The following ACOT13 variants were observed in gnomAD, a reference collection of about 807,000 sequenced individuals.
ACOT13 encodes the protein acyl-coenzyme A thioesterase 13.
ACOT13 carries 10 observed loss-of-function variants against 11.8 expected under a neutral mutation model. That is an observed-to-expected ratio of 0.85 (90% CI 0.53 to 1.44). ACOT13 has a LOEUF of 1.44. Ranked by LOEUF, ACOT13 falls within the 40% of genes most tolerant of loss-of-function variation. The pLI, the probability that ACOT13 is intolerant of heterozygous loss-of-function variation, is 0.00. For synonymous variants in ACOT13, 53 were observed against 61.0 expected, an observed-to-expected ratio of 0.87 and a Z score of 0.61; for missense variants, 172 against 174.1, an observed-to-expected ratio of 0.99 and a Z score of 0.07.
chr6:24,681,580 C>G (rs1207537306), intron 1 of ACOT13, among the ~76,000 whole-genome samples: 2 of 9,778 alleles, frequency 2.0e-4, no homozygotes, highest in East Asian at 0.021. Flanking sequence ...CTCTCTCCGT[C>G]TCTCTCTCTC....
intron 1 of ACOT13, among the ~76,000 whole-genome samples, chr6:24,680,016 A>G (rs1250055115): frequency 6.6e-6 from 1 of 152,112 alleles, no homozygotes; most frequent in African/African-American, 2.4e-5. Context: ...CCCTTTGTCT[A>G]TCTTCTTTGG....
At chr6:24,700,451 T>G (rs960438619) in intron 2 of ACOT13, among the ~76,000 whole-genome samples, 20 of 134,946 alleles carry the variant, frequency 1.5e-4, no homozygotes, top group African/African-American at 4.3e-4. Flanking sequence ...TTTTTTTTTT[T>G]GTGAGATGGA....
At chr6:24,671,048 CTG>C (rs1254349374) in intron 1 of ACOT13, among the ~76,000 whole-genome samples, 4 of 152,124 alleles carry the variant, frequency 2.6e-5, no homozygotes, top group East Asian at 1.9e-4. Flanking sequence ...GTGGAAGACA[CTG>C]TGGTGATTCC....
Position 24,701,766 on chromosome 6 carries a change from A to C in ACOT13, c.*151A>C. The C allele has an allele frequency of 1.4e-6, 1 of 719,788 alleles. No homozygotes were observed. Among genetic ancestry groups the C allele is most frequent in the Non-Finnish European group, 2.1e-6 (1 of 473,232 alleles). 44.6% of individuals were successfully genotyped at this position (719,788 alleles called of 1,614,324 possible). On this transcript the variant is annotated 3_prime_UTR_variant, in exon 3 of 3. Coordinates refer to ENST00000230048, the MANE Select transcript of ACOT13 (RefSeq NM_018473.4). ...AGGACCTGGATATCAAGTAGGGTAA[A>C]GGTGGGGGTGTCTTTTTTCACTTTA...
intron 1 of ACOT13, 120 bp from the exon 2 acceptor site, chr6:24,697,758 ATTTAC>A: frequency 1.4e-6 from 1 of 696,322 alleles, no homozygotes; most frequent in Non-Finnish European, 2.2e-6. Context: ...GAGATTGGCA[ATTTAC>A]TTGAATTTCT....
At chr6:24,683,091 C>T (rs190078501) in intron 1 of ACOT13, among the ~76,000 whole-genome samples, 56 of 152,310 alleles carry the variant, frequency 3.7e-4, no homozygotes, top group African/African-American at 1.3e-3. Context: ...CCAGCTAGTC[C>T]TGTCTGTCAG....
chr6:24,695,597 A>C (rs1050130352), intron 1 of ACOT13, among the ~76,000 whole-genome samples: 1 of 152,240 alleles, frequency 6.6e-6, no homozygotes, highest in Non-Finnish European at 1.5e-5. Flanking sequence ...CTTCCTTTAG[A>C]CACTGAACCC....
intron 1 of ACOT13, among the ~76,000 whole-genome samples, chr6:24,682,112 A>G (rs1318986368): frequency 2.0e-5 from 3 of 152,204 alleles, no homozygotes; most frequent in African/African-American, 7.2e-5. Context: ...GTTGTTAGAA[A>G]GCCCTTCCGC....
intron 1 of ACOT13, among the ~76,000 whole-genome samples, chr6:24,680,485 A>G (rs13211430): frequency 0.39 from 59,360 of 151,422 alleles, 12,636 homozygotes; most frequent in Non-Finnish European, 0.5. Context: ...ATTAGTCCTA[A>G]AGCATCCTCT....
rs1482027667 is a variant in ACOT13 at position 24,697,965 on chromosome 6, T to C, written c.164T>C (p.Leu55Pro). The change falls in exon 2 of 3, where the codon CTC becomes CCC. Residue 55 changes from leucine (L) to proline (P), a missense_variant. Transcript: ENST00000230048. ...EEEHTNAIGTLHGGLTATLVD... is the reference protein window; with the variant it reads ...EEEHTNAIGTPHGGLTATLVD... ...GAGCATACCAATGCAATAGGCACTC[T>C]CCACGGCGGTTTGACAGCCACGTTA... 5.0e-6 allele frequency: 8 copies of C among 1,614,014 alleles called. No homozygotes were observed.
At chr6:24,699,641 A>G (rs1030934203) in intron 2 of ACOT13, among the ~76,000 whole-genome samples, 3 of 152,220 alleles carry the variant, frequency 2.0e-5, no homozygotes, top group African/African-American at 7.2e-5. Context: ...GCTCTTTTTG[A>G]AATTAAGATG....
At chr6:24,697,750 G>C in intron 1 of ACOT13, 133 bp from the exon 2 acceptor site, 1 of 655,012 alleles carries the variant, frequency 1.5e-6, no homozygotes, top group Non-Finnish European at 2.4e-6. Context: ...TTCTATCAGA[G>C]ATTGGCAATT....
rs7765904 is a variant in ACOT13, at chr6:24,697,987, G to A, written c.186G>A (p.Thr62=). ...IGTLHGGLTA[T]LVDNISTMAL... ...CTCTCCACGGCGGTTTGACAGCCACGTTAGTAGATAACATATCAACAATGG... is the reference window on the plus strand; with the variant it reads ...CTCTCCACGGCGGTTTGACAGCCACATTAGTAGATAACATATCAACAATGG... The change falls in exon 2 of 3, where the codon ACG becomes ACA. Residue 62 remains threonine, a synonymous_variant. Transcript: ENST00000230048. The A allele has an allele frequency of 0.23, 367,174 of 1,612,992 alleles. 43,950 individuals are homozygous for A. The highest frequency in any genetic ancestry group is 0.26 in the Middle Eastern group (1,561 of 6,058).
chr6:24,668,749 T>C, intron 1 of ACOT13, among the ~76,000 whole-genome samples: 1 of 152,240 alleles, frequency 6.6e-6, no homozygotes, highest in South Asian at 2.1e-4. Context: ...TGCAATCAGA[T>C]GGTGAAGTTA....
chr6:24,693,542 A>G (rs1386429154), intron 1 of ACOT13, among the ~76,000 whole-genome samples: 1 of 152,182 alleles, frequency 6.6e-6, no homozygotes, highest in Non-Finnish European at 1.5e-5. Flanking sequence ...TCTCAGCTTC[A>G]TAAAGGACCA....
At chr6:24,687,558 GA>G in intron 1 of ACOT13, 1 of 1,426,386 alleles carries the variant, frequency 7.0e-7, no homozygotes, top group Non-Finnish European at 9.2e-7. Context: ...AATGAGTGAT[GA>G]AGGTGAATAC....
intron 1 of ACOT13, among the ~76,000 whole-genome samples, chr6:24,685,728 CAA>C (rs955804801): frequency 6.6e-6 from 1 of 151,656 alleles, no homozygotes; most frequent in Non-Finnish European, 1.5e-5. Flanking sequence ...GGGACATTGG[CAA>C]AGTCTGGAGA....
chr6:24,704,747 C>G lies in ACOT13; in HGVS notation c.*3132C>G, dbSNP rs912695059. On this transcript the variant is annotated 3_prime_UTR_variant, in exon 3 of 3. Coordinates refer to ENST00000230048, the MANE Select transcript of ACOT13 (RefSeq NM_018473.4). ...CCTGTTCTTGTTGAAGTTACACACTCAATTGCCAGGTATTTTTCTTCTGAA... is the reference window on the plus strand; with the variant it reads ...CCTGTTCTTGTTGAAGTTACACACTGAATTGCCAGGTATTTTTCTTCTGAA... 8 of 152,266 alleles carry G rather than the reference C, an allele frequency of 5.3e-5. No individual in the cohort carries two copies. The highest frequency in any genetic ancestry group is 1.7e-4 in the African/African-American group (7 of 41,566). The allele number at this position is 152,266 out of a possible 1,614,324, so 9.4% of individuals were successfully genotyped here.
intron 2 of ACOT13, among the ~76,000 whole-genome samples, chr6:24,700,049 A>C (rs1778867211): frequency 6.6e-6 from 1 of 152,232 alleles, no homozygotes; most frequent in South Asian, 2.1e-4. Flanking sequence ...TTTACTTGAC[A>C]TGGTACCAAA....
Sources: allele counts gnomAD v4.1 joint callset (sites outside exome capture counted in the v4.1 genomes callset), GRCh38; gene constraint gnomAD v4.1.1; transcripts MANE v1.5; gene names NCBI Gene and HGNC (gene_info 2026-07-23, HGNC 2026-07-21).